Variants in ADAM32 observed in about 807,000 individuals in gnomAD.
The protein encoded by ADAM32 is ADAM metallopeptidase domain 32.
ADAM32 carries 89 observed loss-of-function variants against 114.9 expected under a neutral mutation model. The observed-to-expected ratio is 0.77, with a 90% confidence interval of 0.65 to 0.92. ADAM32 has a LOEUF of 0.92. Ranked by LOEUF, ADAM32 falls within the 40% of genes least tolerant of loss-of-function variation. ADAM32 has a pLI of 0.00. For synonymous variants in ADAM32, 285 were observed against 307.5 expected, an observed-to-expected ratio of 0.93 and a Z score of 0.77; for missense variants, 870 against 932.8, an observed-to-expected ratio of 0.93 and a Z score of 0.88.
At chr8:39,251,035 T>C (rs1002359532) in intron 17 of ADAM32, among the ~76,000 whole-genome samples, 1 of 151,976 alleles carries the variant, frequency 6.6e-6, no homozygotes, top group African/African-American at 2.4e-5. Context: ...TGTTTTACAT[T>C]GTGTATGTAT....
In ADAM32 at chr8:39,126,226, T is replaced by C. The variant is rs144752865; in HGVS notation, c.138+8061T>C. Reference sequence around the variant, plus strand: ...ATGAAGAATGTCAATGGTAGTGTAATGGAAATAACATGGAATCTATAAATT... The same window carrying C: ...ATGAAGAATGTCAATGGTAGTGTAACGGAAATAACATGGAATCTATAAATT... On this transcript the variant is annotated intron_variant, in intron 2 of 24. Transcript: ENST00000379907. Among the ~76,000 whole-genome samples, 735 of 152,344 alleles carry C rather than the reference T, an allele frequency of 4.8e-3. 5 individuals are homozygous for C. The highest frequency in any genetic ancestry group is 7.4e-3 in the Non-Finnish European group (504 of 68,034).
intron 15 of ADAM32, among the ~76,000 whole-genome samples, chr8:39,233,357 A>C (rs1296568743): frequency 6.6e-6 from 1 of 152,168 alleles, no homozygotes; most frequent in African/African-American, 2.4e-5. Flanking sequence ...TTTGTAGACC[A>C]TATCGGGTAA....
intron 10 of ADAM32, among the ~76,000 whole-genome samples, chr8:39,185,669 T>C (rs1806190187): frequency 6.6e-6 from 1 of 152,146 alleles, no homozygotes. Flanking sequence ...AAATACAAAA[T>C]CCCAGGTGAG....
chr8:39,278,786 C>T (rs1585712338), intron 22 of ADAM32, among the ~76,000 whole-genome samples: 2 of 152,028 alleles, frequency 1.3e-5, no homozygotes, highest in Non-Finnish European at 2.9e-5. Context: ...TTCCTTTTTA[C>T]AACCCTTTTA....
intron 12 of ADAM32, chr8:39,221,374 A>G (rs150447396): frequency 0.013 from 5,051 of 402,066 alleles, 51 homozygotes; most frequent in Non-Finnish European, 0.016. Context: ...CATGTCTTTT[A>G]AGTAGAGAAT....
chr8:39,182,322 A>C (rs929373232), intron 10 of ADAM32, among the ~76,000 whole-genome samples: 2 of 152,220 alleles, frequency 1.3e-5, no homozygotes, highest in Non-Finnish European at 2.9e-5. Context: ...GGAAGATTAA[A>C]AAAAGGAACA....
At chr8:39,249,736 T>C (rs574005385) in intron 17 of ADAM32, among the ~76,000 whole-genome samples, 1 of 152,332 alleles carries the variant, frequency 6.6e-6, no homozygotes, top group Admixed American at 6.5e-5. Flanking sequence ...TAAATAACAT[T>C]TGCTGACCTT....
At chr8:39,278,640 T>TTATTATTA (rs1194402076) in intron 22 of ADAM32, among the ~76,000 whole-genome samples, 1 of 151,444 alleles carries the variant, frequency 6.6e-6, no homozygotes, top group Non-Finnish European at 1.5e-5. Context: ...CCCTCCATTA[T>TTATTATTA]TATTATTATT....
chr8:39,136,756 T>G (rs2129445035), intron 3 of ADAM32, 38 bp downstream of exon 3: 2 of 1,333,600 alleles, frequency 1.5e-6, no homozygotes, highest in Non-Finnish European at 1.0e-6. Flanking sequence ...TTTATTTTAT[T>G]TCTATGAAGC....
chr8:39,161,402 G>GT (rs1804500300), intron 7 of ADAM32, among the ~76,000 whole-genome samples: 1 of 152,154 alleles, frequency 6.6e-6, no homozygotes, highest in African/African-American at 2.4e-5. Flanking sequence ...GTGTCAAGAA[G>GT]TTTTTTAGCA....
At chr8:39,255,781 T>C (rs1307771835) in intron 18 of ADAM32, among the ~76,000 whole-genome samples, 1 of 152,104 alleles carries the variant, frequency 6.6e-6, no homozygotes, top group Non-Finnish European at 1.5e-5. Context: ...TTTTGGGTTC[T>C]TGCTCATGAA....
At chr8:39,275,534 A>C (rs1157498812) in intron 21 of ADAM32, among the ~76,000 whole-genome samples, 1 of 152,242 alleles carries the variant, frequency 6.6e-6, no homozygotes, top group East Asian at 1.9e-4. Flanking sequence ...CAGGCATTTA[A>C]AATAAAGCAT....
chr8:39,265,678 C>T (rs1585680896), intron 19 of ADAM32, among the ~76,000 whole-genome samples: 1 of 151,948 alleles, frequency 6.6e-6, no homozygotes, highest in East Asian at 1.9e-4. Context: ...AGTGTCAGGG[C>T]TAAGCATGTA....
intron 18 of ADAM32, 90 bp downstream of exon 18, chr8:39,254,606 G>T: frequency 1.1e-6 from 1 of 907,680 alleles, no homozygotes; most frequent in Non-Finnish European, 1.6e-6. Flanking sequence ...CCACTTACAA[G>T]GCAACTGATA....
chr8:39,231,357 T>C lies in ADAM32; in HGVS notation c.1526-670T>C, dbSNP rs534648935. On this transcript the variant is annotated intron_variant, in intron 14 of 24. Transcript: ENST00000379907. ...CTACAACTGCAAAAAACTGAACTAC[T>C]AACAACCAGTGACCTCTGAAGGTAA... 6.3e-3 allele frequency among the ~76,000 whole-genome samples: 695 copies of C among 109,908 alleles called. 7 individuals carry two copies. The highest frequency in any genetic ancestry group is 0.022 in the African/African-American group (629 of 28,406). 72.1% of individuals were successfully genotyped at this position (109,908 alleles called of 152,430 possible). A position where few individuals can be genotyped will look rare whatever the true frequency, so the allele number is the denominator to read the frequency against.
intron 11 of ADAM32, among the ~76,000 whole-genome samples, chr8:39,194,086 G>A (rs1042747160): frequency 2.0e-5 from 3 of 152,130 alleles, no homozygotes; most frequent in Admixed American, 6.5e-5. Context: ...TTGTAGCAGC[G>A]ATGGTGACAG....
At chr8:39,182,460 A>G (rs892005638) in intron 10 of ADAM32, among the ~76,000 whole-genome samples, 3 of 152,230 alleles carry the variant, frequency 2.0e-5, no homozygotes, top group African/African-American at 7.2e-5. Flanking sequence ...AAGACTGTAT[A>G]CATTATAAAA....
intron 2 of ADAM32, among the ~76,000 whole-genome samples, chr8:39,132,319 T>A (rs1802515090): frequency 6.6e-6 from 1 of 152,270 alleles, no homozygotes; most frequent in South Asian, 2.1e-4. Flanking sequence ...AATATTTTGC[T>A]ATTTTTACTA....
intron 19 of ADAM32, among the ~76,000 whole-genome samples, chr8:39,267,370 C>A (rs752950419): frequency 1.3e-4 from 20 of 152,168 alleles, no homozygotes; most frequent in Non-Finnish European, 2.2e-4. Flanking sequence ...ATTTACATCA[C>A]CATAATTATT....
Sources: gnomAD v4.1 joint callset for allele counts (sites outside exome capture counted in the v4.1 genomes callset) on GRCh38, gnomAD v4.1.1 for gene constraint, MANE v1.5 for transcripts, NCBI Gene and HGNC (gene_info 2026-07-23, HGNC 2026-07-21) for gene names.